Variants in HECTD4 observed in about 807,000 individuals in gnomAD.
HECTD4 encodes HECT domain E3 ubiquitin protein ligase 4, also known as probable E3 ubiquitin-protein ligase HECTD4.
A neutral mutation model predicts 471.5 loss-of-function variants in HECTD4; 114 were observed. The observed-to-expected ratio is 0.24, with a 90% CI of 0.21 to 0.28. The LOEUF is 0.28. HECTD4 is among the 10% of genes least tolerant of loss of function. HECTD4 has a pLI of 1.00. For missense variants in HECTD4, 3,866 were observed against 5,651.5 expected, an observed-to-expected ratio of 0.68 and a Z score of 10.13; for synonymous variants, 2,012 against 2,256.0, an observed-to-expected ratio of 0.89 and a Z score of 3.07.
At chr12:112,268,327 TA>T (rs1566093333) in intron 13 of HECTD4, among the ~76,000 whole-genome samples, 1 of 152,218 alleles carries the variant, frequency 6.6e-6, no homozygotes, top group Non-Finnish European at 1.5e-5. Context: ...ATTCGAAGCA[TA>T]ATGTGCTGTG....
chr12:112,265,230 G>A lies in HECTD4; in HGVS notation c.2564C>T (p.Thr855Ile), dbSNP rs1457004413. The A allele has an allele frequency of 6.2e-7, 1 of 1,604,526 alleles. No individual in the cohort carries two copies. Among genetic ancestry groups the A allele is most frequent in the African/African-American group, 1.3e-5 (1 of 74,658 alleles). The change falls in exon 16 of 76, where the codon ACC becomes ATC. Residue 855 changes from threonine to isoleucine, a missense_variant. Transcript: ENST00000682272. ...ATCTTTAGAGACAGTTTGGCACTTG[G>A]TGATTAAGATACAGGATTCTCGTAC... ...IVVRESCILI[T>I]KCQTVSKDDF...
At chr12:112,302,536 A>G in intron 7 of HECTD4, 1 of 723,470 alleles carries the variant, frequency 1.4e-6, no homozygotes, top group Admixed American at 1.8e-5. Flanking sequence ...TTTGGGCTGG[A>G]TGTCCTGTCC....
At chr12:112,296,618 T>C (rs1201772123) in intron 7 of HECTD4, among the ~76,000 whole-genome samples, 1 of 71,410 alleles carries the variant, frequency 1.4e-5, no homozygotes, top group Admixed American at 1.4e-4. Context: ...AGTAGGTGCA[T>C]TGGATGTAGG....
chr12:112,330,056 C>T (rs934586321), intron 1 of HECTD4, among the ~76,000 whole-genome samples: 2 of 152,114 alleles, frequency 1.3e-5, no homozygotes, highest in African/African-American at 2.4e-5. Flanking sequence ...GTGGGCAGAT[C>T]ACCTGAGGTC....
intron 1 of HECTD4, among the ~76,000 whole-genome samples, chr12:112,366,199 T>G (rs1279711883): frequency 1.2e-4 from 18 of 152,076 alleles, no homozygotes; most frequent in African/African-American, 3.9e-4. Flanking sequence ...CCAAAATACC[T>G]GGTGAACAAA....
At chr12:112,265,411 C>A in intron 15 of HECTD4, 116 bp from the exon 16 acceptor site, 2 of 665,646 alleles carry the variant, frequency 3.0e-6, no homozygotes, top group South Asian at 3.0e-5. Flanking sequence ...GATTCTTAAG[C>A]AAATCACCTT....
chr12:112,212,400 C>A, intron 49 of HECTD4, 87 bp downstream of exon 49: 1 of 1,043,708 alleles, frequency 9.6e-7, no homozygotes, highest in Non-Finnish European at 1.5e-6. Context: ...ACAATGAGGG[C>A]CCGTTTGCTC....
intron 32 of HECTD4, 50 bp from the exon 33 acceptor site, chr12:112,240,077 GTGGC>G (rs2033603889): frequency 1.3e-6 from 2 of 1,599,242 alleles, no homozygotes. Context: ...GTCAAGAACA[GTGGC>G]TGAGCAGGAG....
chr12:112,328,935 T>C lies in HECTD4; in HGVS notation c.178-9193A>G, dbSNP rs545952124. Reference sequence around the variant, plus strand: ...GCCCTGCAAAACTTTCTCCAGCATATGGTGACTTTCCCAGATCTTCATATA... The same window carrying C: ...GCCCTGCAAAACTTTCTCCAGCATACGGTGACTTTCCCAGATCTTCATATA... On this transcript the variant is annotated intron_variant, in intron 1 of 75. Transcript: ENST00000682272. Among the ~76,000 whole-genome samples, 10 of 152,364 alleles carry C rather than the reference T, an allele frequency of 6.6e-5. No individual in the cohort carries two copies. The East Asian group carries it at 1.5e-3, about 24-fold the overall frequency.
At chr12:112,167,952 TG>T in intron 70 of HECTD4, 35 bp from the exon 71 acceptor site, 1 of 1,557,870 alleles carries the variant, frequency 6.4e-7, no homozygotes, top group African/African-American at 1.4e-5. Flanking sequence ...GCACCTGGGG[TG>T]TCCCGGCGGG....
At chr12:112,294,834 A>C (rs990055478) in intron 7 of HECTD4, among the ~76,000 whole-genome samples, 1 of 152,216 alleles carries the variant, frequency 6.6e-6, no homozygotes, top group Non-Finnish European at 1.5e-5. Flanking sequence ...TTTTCTAAAA[A>C]GCCCATTGTT....
At chr12:112,189,604 G>GGGCCAT in intron 60 of HECTD4, among the ~76,000 whole-genome samples, 1 of 150,840 alleles carries the variant, frequency 6.6e-6, no homozygotes, top group East Asian at 1.9e-4. Context: ...GGCAGAAGCA[G>GGGCCAT]GGCCATGTTC....
chr12:112,218,009 C>G (rs968649499), intron 45 of HECTD4, among the ~76,000 whole-genome samples: 1 of 151,666 alleles, frequency 6.6e-6, no homozygotes, highest in African/African-American at 2.4e-5. Flanking sequence ...TTTTTTGAGA[C>G]AGTCTCATTC....
rs2035544510 is a variant in HECTD4 at position 112,319,457 on chromosome 12, G to C, written c.463C>G (p.Gln155Glu). ...MGLLLVFPLI[Q>E]SQSRTDPSLC... ...GAGGGGTCTGTTCTACTCTGGGACT[G>C]AATAAGGGGGAAGACCAGCAGGAGC... is the stretch of plus-strand genomic sequence containing the variant. Residue 155 changes from glutamine (Q) to glutamate (E), a missense_variant, in exon 2 of 76, where the codon CAG (glutamine) becomes GAG (glutamate). Around this residue, in one of 16 missense-constraint regions of HECTD4, gnomAD observed 440 missense variants for 636.0 expected, o/e 0.69. Transcript: ENST00000682272. This position sits in a 1 kb window ranked among gnomAD's most constrained non-coding sequence, Gnocchi z 5.3. 1 of 1,528,604 alleles carries C rather than the reference G, an allele frequency of 6.5e-7. No homozygotes were observed. The highest frequency in any genetic ancestry group is 2.0e-5 in the Admixed American group (1 of 50,292). The allele number at this position is 1,528,604 out of a possible 1,614,324, so 94.7% of individuals were successfully genotyped here.
At position 112,161,280 on chromosome 12, in the gene HECTD4, G is replaced by A. The variant is rs1381839919; in HGVS notation, c.*1107C>T. The A allele has an allele frequency of 6.6e-6, 1 of 152,078 alleles. No individual in the cohort carries two copies. The highest frequency in any genetic ancestry group is 1.9e-4 in the East Asian group (1 of 5,172). 9.4% of individuals were successfully genotyped at this position (152,078 alleles called of 1,614,324 possible). ...GATGCAGTGGGTGAGCCTGGAGGCA[G>A]CTCAGCCCTGGCATACACACTTACA... On this transcript the variant is annotated 3_prime_UTR_variant, in exon 76 of 76. Transcript: ENST00000682272.
At chr12:112,195,907 ATTCT>A (rs2032227303) in intron 55 of HECTD4, among the ~76,000 whole-genome samples, 1 of 152,214 alleles carries the variant, frequency 6.6e-6, no homozygotes, top group Non-Finnish European at 1.5e-5. Flanking sequence ...TACACCTGTA[ATTCT>A]AGCACTTTGG....
intron 1 of HECTD4, among the ~76,000 whole-genome samples, chr12:112,347,365 C>T (rs192634392): frequency 1.3e-5 from 2 of 152,036 alleles, no homozygotes; most frequent in Non-Finnish European, 2.9e-5. Flanking sequence ...AAAAATTAGC[C>T]GGGTGTGATG....
rs367564677 is a variant in HECTD4, at chr12:112,278,079, TAAAC to T, written c.1687+1145_1687+1148del. Among the ~76,000 whole-genome samples the T allele has an allele frequency of 2.2e-4, 34 of 152,074 alleles. 1 individual carries two copies. The East Asian group carries it at 2.9e-3, about 13-fold the overall frequency. On this transcript the variant is annotated intron_variant, in intron 9 of 75. Coordinates refer to ENST00000682272, the MANE Select transcript of HECTD4 (RefSeq NM_001388303.1). ...AACCAAAAATTAAAAATCAAGCAAATAAACAAACAAACGAAAAAGCAGTCATAAA... is the reference window on the plus strand; with the variant it reads ...AACCAAAAATTAAAAATCAAGCAAATAAACAAACGAAAAAGCAGTCATAAA...
intron 55 of HECTD4, among the ~76,000 whole-genome samples, chr12:112,197,819 T>A (rs2032291804): frequency 6.6e-6 from 1 of 152,210 alleles, no homozygotes; most frequent in Non-Finnish European, 1.5e-5. Context: ...AATACCATGT[T>A]GATATTCAAG....
Sources: gnomAD v4.1 joint callset for allele counts (sites outside exome capture counted in the v4.1 genomes callset) on GRCh38, gnomAD v4.1.1 for gene constraint, gnomAD v4.1.1 regional missense constraint, Gnocchi (gnomAD v3.1) non-coding constraint, MANE v1.5 for transcripts, NCBI Gene and HGNC (gene_info 2026-07-23, HGNC 2026-07-21) for gene names.